Variants in FKBP5 observed in about 807,000 individuals in gnomAD.
The protein encoded by FKBP5 is FKBP prolyl isomerase 5, also known as peptidyl-prolyl cis-trans isomerase FKBP5.
FKBP5 carries 23 observed loss-of-function variants against 50.5 expected under a neutral mutation model. The observed-to-expected ratio is 0.46, with a 90% confidence interval of 0.33 to 0.65. The LOEUF (loss-of-function observed/expected upper bound fraction) is 0.65, where lower values mean the gene tolerates loss of function less well. Among genes scored for constraint, FKBP5 ranks in the 30% least tolerant of loss-of-function variants. FKBP5 has a pLI of 0.02. For synonymous variants in FKBP5, 176 were observed against 190.6 expected (o/e 0.92, Z 0.63); for missense variants, 411 against 553.1 (o/e 0.74, Z 2.58).
intron 8 of FKBP5, chr6:35,583,225 C>A: frequency 1.0e-6 from 1 of 985,388 alleles, no homozygotes; most frequent in Non-Finnish European, 1.2e-6. Flanking sequence ...TTTCTTCATC[C>A]TCTCTCCTCC....
At position 35,618,407 on chromosome 6, in the gene FKBP5, T is replaced by C. The variant is rs143792469; in HGVS notation, c.508+689A>G. ...TTTTTTTTGGACAGAATCTTGCTGT[T>C]GTCCAGGCTGAAGCACAATGGCACA... On this transcript the variant is annotated intron_variant, in intron 5 of 10. Coordinates refer to ENST00000357266, the MANE Select transcript of FKBP5 (RefSeq NM_004117.4). Among the ~76,000 whole-genome samples the C allele has an allele frequency of 1.7e-3, 258 of 152,338 alleles. 2 individuals carry two copies. In the Middle Eastern group the frequency reaches 0.02, roughly 12 times the overall value.
At chr6:35,604,497 T>G (rs891534038) in intron 5 of FKBP5, among the ~76,000 whole-genome samples, 1 of 152,230 alleles carries the variant, frequency 6.6e-6, no homozygotes, top group Admixed American at 6.5e-5. Flanking sequence ...CTCCTATTCC[T>G]AGACTTATAT....
chr6:35,591,222 T>C lies in FKBP5; in HGVS notation c.666-2A>G. The C allele has an allele frequency of 6.3e-7, 1 of 1,595,970 alleles. No homozygotes were observed. The highest frequency in any genetic ancestry group is 8.6e-7 in the Non-Finnish European group (1 of 1,165,832). On this transcript the variant is annotated splice_acceptor_variant, in intron 6 of 10. Transcript: ENST00000357266. LOFTEE classifies it high-confidence loss of function. ...TTCCCTGCCTCTCCAAAACCATATC[T>C]GAAATGGAGAGTAAAAAATAAAACT...
Position 35,584,222 on chromosome 6 carries a change from T to C in FKBP5, c.840+2812A>G, listed in dbSNP as rs79415237. The C allele has an allele frequency of 3.0e-3, 2,922 of 985,422 alleles. 43 individuals are homozygous for C. In the African/African-American group the frequency reaches 0.037, roughly 12 times the overall value. 61.0% of individuals were successfully genotyped at this position (985,422 alleles called of 1,614,324 possible). On this transcript the variant is annotated intron_variant, in intron 8 of 10. Coordinates refer to ENST00000357266, the MANE Select transcript of FKBP5 (RefSeq NM_004117.4). The stretch of plus-strand genomic sequence containing the variant: ...CTTAATAATTATTTTCAGAGCCAAA[T>C]AGAGTTCTCTATTTTTCTTCTCTTT...
chr6:35,577,323 A>G, intron 9 of FKBP5, 90 bp from the exon 10 acceptor site: 1 of 1,220,090 alleles, frequency 8.2e-7, no homozygotes, highest in Non-Finnish European at 1.1e-6. Flanking sequence ...AAGGAGATGG[A>G]AAAAGTGTAT....
At chr6:35,604,463 T>C (rs1376332899) in intron 5 of FKBP5, among the ~76,000 whole-genome samples, 1 of 152,202 alleles carries the variant, frequency 6.6e-6, no homozygotes, top group African/African-American at 2.4e-5. Context: ...TGAAAACATA[T>C]AATAAAATGG....
intron 3 of FKBP5, among the ~76,000 whole-genome samples, chr6:35,633,317 C>T (rs1282634785): frequency 6.6e-6 from 1 of 151,948 alleles, no homozygotes; most frequent in Non-Finnish European, 1.5e-5. Flanking sequence ...ATAAGGCAGG[C>T]GGATCACCTG....
At chr6:35,676,261 TTTAATTATTTC>T (rs771032473) in intron 1 of FKBP5, among the ~76,000 whole-genome samples, 169 of 152,362 alleles carry the variant, frequency 1.1e-3, no homozygotes, top group Non-Finnish European at 2.2e-3. Context: ...CGCTGACACC[TTTAATTATTTC>T]TTCTCCTAAC....
At position 35,707,257 on chromosome 6, in the gene FKBP5, C is replaced by T. The variant is rs534296463; in HGVS notation, c.-20+13071G>A. The stretch of plus-strand genomic sequence containing the variant: ...TTGAGATGGAGTTTCACTCTTATTG[C>T]CCAGGCTGGAGTGCAATGACGTGAT... On this transcript the variant is annotated intron_variant, in intron 2 of 11. Coordinates refer to the FKBP5 transcript ENST00000536438. Among the ~76,000 whole-genome samples, 573 of 113,108 alleles carry T rather than the reference C, an allele frequency of 5.1e-3. 7 individuals carry two copies. Among genetic ancestry groups the T allele is most frequent in the African/African-American group, 0.02 (549 of 27,046 alleles). 74.2% of individuals were successfully genotyped at this position (113,108 alleles called of 152,430 possible).
intron 2 of FKBP5, among the ~76,000 whole-genome samples, chr6:35,703,434 TCCCAACACATAGAA>T (rs1271942214): frequency 6.6e-6 from 1 of 151,862 alleles, no homozygotes; most frequent in Non-Finnish European, 1.5e-5. Flanking sequence ...AAAAGTTAAA[TCCCAACACATAGAA>T]ATGATACTCA....
At position 35,610,524 on chromosome 6, in the gene FKBP5, C is replaced by A. The variant is rs534259342; in HGVS notation, c.508+8572G>T. 1.7e-3 allele frequency among the ~76,000 whole-genome samples: 240 copies of A among 138,958 alleles called. 3 individuals are homozygous for A. The highest frequency in any genetic ancestry group is 6.0e-3 in the African/African-American group (220 of 36,772). 91.2% of individuals were successfully genotyped at this position (138,958 alleles called of 152,430 possible). A position where few individuals can be genotyped will look rare whatever the true frequency, so the allele number is the denominator to read the frequency against. ...CGGAGCTTGCAGTGAGCCAAGACCG[C>A]GCCACTGCACTATAGCCTGAGTGAC... On this transcript the variant is annotated intron_variant, in intron 5 of 10. Coordinates refer to ENST00000357266, the MANE Select transcript of FKBP5 (RefSeq NM_004117.4).
chr6:35,693,324 A>G (rs868508390), upstream of FKBP5, among the ~76,000 whole-genome samples: 2 of 151,180 alleles, frequency 1.3e-5, no homozygotes, highest in Middle Eastern at 3.4e-3. Context: ...CACCACGCCC[A>G]GCTAATTTTT....
chr6:35,623,784 G>A (rs1217492629), intron 3 of FKBP5, among the ~76,000 whole-genome samples: 2 of 147,348 alleles, frequency 1.4e-5, no homozygotes, highest in African/African-American at 5.0e-5. Flanking sequence ...GTCTCACCAT[G>A]TTGCCCAGGC....
At chr6:35,624,799 T>C (rs1015380297) in intron 3 of FKBP5, among the ~76,000 whole-genome samples, 1 of 152,210 alleles carries the variant, frequency 6.6e-6, no homozygotes, top group Non-Finnish European at 1.5e-5. Flanking sequence ...CTTACTGAGA[T>C]ACTCCACAGT....
upstream of FKBP5, among the ~76,000 whole-genome samples, chr6:35,689,120 A>C (rs1173754524): frequency 1.3e-5 from 2 of 150,396 alleles, no homozygotes; most frequent in Admixed American, 6.6e-5. Context: ...TTGCTCCTCC[A>C]CCTCCCCACG....
At chr6:35,612,586 TA>T (rs1763523302) in intron 5 of FKBP5, among the ~76,000 whole-genome samples, 1 of 152,212 alleles carries the variant, frequency 6.6e-6, no homozygotes, top group African/African-American at 2.4e-5. Context: ...GGGTAATTTA[TA>T]AAGAAAAGAG....
At chr6:35,714,452 C>A (rs966416201) in intron 2 of FKBP5, among the ~76,000 whole-genome samples, 256 of 104,664 alleles carry the variant, frequency 2.4e-3, no homozygotes, top group Middle Eastern at 4.7e-3. Flanking sequence ...AACACTGCCT[C>A]AAAAAAAAAA....
chr6:35,590,078 G>A (rs1040571177), intron 7 of FKBP5, among the ~76,000 whole-genome samples: 2 of 152,174 alleles, frequency 1.3e-5, no homozygotes, highest in Admixed American at 1.3e-4. Context: ...CAGGAGGATG[G>A]CTCAAGCCCA....
At chr6:35,583,296 G>C (rs1470266470) in intron 8 of FKBP5, 1 of 985,050 alleles carries the variant, frequency 1.0e-6, no homozygotes, top group African/African-American at 1.8e-5. Flanking sequence ...TATTGTATAG[G>C]GAAAGAAAAG....
Sources: gnomAD v4.1 joint callset for allele counts (sites outside exome capture counted in the v4.1 genomes callset) on GRCh38, gnomAD v4.1.1 for gene constraint, MANE v1.5 for transcripts, NCBI Gene and HGNC (gene_info 2026-07-23, HGNC 2026-07-21) for gene names.